The following LAMB1 variants were observed in gnomAD, a reference collection of about 807,000 sequenced individuals.
LAMB1 encodes laminin subunit beta 1, also known as laminin subunit beta-1.
A neutral mutation model predicts 222.3 loss-of-function variants in LAMB1; 121 were observed. The ratio of observed to expected loss-of-function variants is 0.54; its 90% confidence interval spans 0.47 to 0.63. LAMB1 has a LOEUF of 0.63. Among genes scored for constraint, LAMB1 ranks in the 30% least tolerant of loss-of-function variants. The pLI, the probability that LAMB1 is intolerant of heterozygous loss-of-function variation, is 0.00. For missense variants in LAMB1, 2,172 were observed against 2,240.8 expected, an observed-to-expected ratio of 0.97 and a Z score of 0.62; for synonymous variants, 794 against 807.2, an observed-to-expected ratio of 0.98 and a Z score of 0.28.
rs895056907 is a variant in LAMB1, at chr7:107,950,983, T to C, written c.3391+243A>G. 8.3e-6 allele frequency: 3 copies of C among 362,764 alleles called. No homozygotes were observed. In the East Asian group the frequency reaches 1.6e-4, roughly 19 times the overall value. 22.5% of individuals were successfully genotyped at this position (362,764 alleles called of 1,614,324 possible). On this transcript the variant is annotated intron_variant, in intron 24 of 33. Coordinates refer to ENST00000222399, the MANE Select transcript of LAMB1 (RefSeq NM_002291.3). ...GTGTGCTTACACACAGAAACAAACT[T>C]TACCCCAGGGTGTGAGGCCGGGAGA...
chr7:107,972,907 AG>A, intron 13 of LAMB1, 84 bp downstream of exon 13: 6 of 1,078,924 alleles, frequency 5.6e-6, no homozygotes, highest in Non-Finnish European at 8.7e-6. Context: ...TGTCTTTTTG[AG>A]AAACAACTGA....
chr7:107,960,820 AT>A (rs909400547), intron 17 of LAMB1, among the ~76,000 whole-genome samples, 171 bp from the exon 18 acceptor site: 1 of 152,204 alleles, frequency 6.6e-6, no homozygotes, highest in Non-Finnish European at 1.5e-5. Context: ...TTGGCAGGAA[AT>A]TTTAGATATG....
chr7:107,951,408 T>A, intron 23 of LAMB1, 86 bp from the exon 24 acceptor site: 1 of 1,215,472 alleles, frequency 8.2e-7, no homozygotes, highest in South Asian at 1.3e-5. Context: ...CACTTAGAAG[T>A]AGGAATGAAC....
chr7:107,979,556 A>T (rs1228279343), intron 8 of LAMB1, among the ~76,000 whole-genome samples: 1 of 152,186 alleles, frequency 6.6e-6, no homozygotes, highest in East Asian at 1.9e-4. Context: ...CATAAGTCCT[A>T]TCTGGCCTTA....
At chr7:107,981,605 A>C (rs116888987) in intron 7 of LAMB1, among the ~76,000 whole-genome samples, 3,202 of 152,258 alleles carry the variant, frequency 0.021, 52 homozygotes, top group Middle Eastern at 0.058. Flanking sequence ...AGAAGTGTGA[A>C]AGTGGAGAAA....
intron 10 of LAMB1, 89 bp downstream of exon 10, chr7:107,975,600 C>CAT (rs1288933365): frequency 6.6e-6 from 9 of 1,360,460 alleles, no homozygotes; most frequent in Non-Finnish European, 9.1e-6. Context: ...CTTTACTGCT[C>CAT]ATACTATGAG....
chr7:107,933,587 A>T (rs1026207829), intron 27 of LAMB1, among the ~76,000 whole-genome samples: 1 of 151,076 alleles, frequency 6.6e-6, no homozygotes, highest in African/African-American at 2.5e-5. Context: ...TTGTTTCAAC[A>T]GATGGGGCAG....
intron 2 of LAMB1, chr7:108,002,142 C>T (rs867648304): frequency 2.1e-6 from 3 of 1,451,538 alleles, no homozygotes; most frequent in African/African-American, 1.6e-5. Context: ...CACGTGAACC[C>T]GCGTGCACGC....
intron 17 of LAMB1, 130 bp downstream of exon 17, chr7:107,961,076 C>T (rs1166660186): frequency 2.5e-5 from 25 of 992,716 alleles, no homozygotes; most frequent in Middle Eastern, 2.8e-4. Flanking sequence ...GCAAAGTAAC[C>T]GTGGAGGCAA....
At chr7:107,965,618 T>C (rs2033618657) in intron 13 of LAMB1, among the ~76,000 whole-genome samples, 1 of 152,154 alleles carries the variant, frequency 6.6e-6, no homozygotes, top group South Asian at 2.1e-4. Flanking sequence ...TAATTTTGTA[T>C]ACAATACAAA....
chr7:107,978,116 G>C lies in LAMB1; in HGVS notation c.931C>G (p.Leu311Val). ...RHNTKGLNCE[L>V]CMDFYHDLPW... ...AAATCATGGTAGAAATCCATGCAGA[G>C]TTCACAGTTTAAGCCCTTGGTGTTA... is the stretch of plus-strand genomic sequence containing the variant. Residue 311 changes from leucine to valine, a missense_variant, in exon 9 of 34, where the codon CTC (leucine) becomes GTC (valine). By Grantham distance (32) the Leu-to-Val change is conservative. Coordinates refer to ENST00000222399, the MANE Select transcript of LAMB1 (RefSeq NM_002291.3). 3 of 1,614,018 alleles carry C rather than the reference G, an allele frequency of 1.9e-6. No individual in the cohort carries two copies. The highest frequency in any genetic ancestry group is 2.5e-6 in the Non-Finnish European group (3 of 1,179,882).
At chr7:107,983,733 G>A (rs1438220820) in intron 7 of LAMB1, among the ~76,000 whole-genome samples, 1 of 151,862 alleles carries the variant, frequency 6.6e-6, no homozygotes, top group African/African-American at 2.4e-5. Flanking sequence ...GGTCAGGATG[G>A]TCTCAAACTC....
At position 107,985,573 on chromosome 7, in the gene LAMB1, G is replaced by A. The variant is rs191239075; in HGVS notation, c.676+449C>T. Among the ~76,000 whole-genome samples, 143 of 152,208 alleles carry A rather than the reference G, an allele frequency of 9.4e-4. 1 individual carries two copies. Among genetic ancestry groups the A allele is most frequent in the Non-Finnish European group, 1.4e-3 (95 of 68,014 alleles). ...GAACCTGGGAGGCAGAGGTTGCAGT[G>A]AGCCTAGATCGCGCCACTGCACTCC... On this transcript the variant is annotated intron_variant, in intron 7 of 33. Transcript: ENST00000222399.
rs763705937 is a variant in LAMB1 at position 107,929,505 on chromosome 7, A to T, written c.4652T>A (p.Val1551Asp). ...QNLTEDIRERVESLSQVEVIL... is the reference protein window; with the variant it reads ...QNLTEDIRERDESLSQVEVIL... ...AACCTCTACTTGAGAAAGGCTTTCA[A>T]CTCGTTCACGTATATCTTCTGTCAA... Residue 1551 changes from valine to aspartate, a missense_variant, in exon 30 of 34, where the codon GTT (valine) becomes GAT (aspartate). By Grantham distance (152) the Val-to-Asp change is radical (BLOSUM62 -3). Coordinates refer to ENST00000222399, the MANE Select transcript of LAMB1 (RefSeq NM_002291.3). 5.6e-6 allele frequency: 9 copies of T among 1,614,100 alleles called. No homozygotes were observed. Among genetic ancestry groups the T allele is most frequent in the South Asian group, 1.1e-5 (1 of 91,076 alleles).
At chr7:107,937,605 T>C (rs761221599) in intron 25 of LAMB1, among the ~76,000 whole-genome samples, 25 of 152,324 alleles carry the variant, frequency 1.6e-4, no homozygotes, top group Middle Eastern at 3.4e-3. Flanking sequence ...CACAGGCAGC[T>C]TCAAGCCCTT....
intron 32 of LAMB1, among the ~76,000 whole-genome samples, chr7:107,925,476 G>A (rs181500845): frequency 2.3e-4 from 35 of 152,172 alleles, no homozygotes; most frequent in Admixed American, 2.3e-3. Flanking sequence ...CCACCCCCGA[G>A]TCTGGAAAAA....
intron 21 of LAMB1, among the ~76,000 whole-genome samples, chr7:107,953,978 G>C (rs958971875): frequency 6.6e-6 from 1 of 152,156 alleles, no homozygotes; most frequent in Non-Finnish European, 1.5e-5. Flanking sequence ...GTAACTTTTT[G>C]CACCAATCTA....
At position 107,925,149 on chromosome 7, in the gene LAMB1, G is replaced by A. The variant is rs1040950486; in HGVS notation, c.5065-760C>T. ...TGTTCTCTTTCCCAACCTAGAGAGAGGTAGGGAAAGTTACTCTTACGTAAT... is the reference window on the plus strand; with the variant it reads ...TGTTCTCTTTCCCAACCTAGAGAGAAGTAGGGAAAGTTACTCTTACGTAAT... On this transcript the variant is annotated intron_variant, in intron 32 of 33. Coordinates refer to ENST00000222399, the MANE Select transcript of LAMB1 (RefSeq NM_002291.3). Among the ~76,000 whole-genome samples, 4 of 152,172 alleles carry A rather than the reference G, an allele frequency of 2.6e-5. 1 individual carries two copies. The highest frequency in any genetic ancestry group is 2.6e-4 in the Admixed American group (4 of 15,282).
chr7:107,931,645 A>G, intron 28 of LAMB1, 145 bp from the exon 29 acceptor site: 1 of 746,926 alleles, frequency 1.3e-6, no homozygotes, highest in African/African-American at 1.8e-5. Flanking sequence ...CATTCAACAA[A>G]GTATTGTATC....
Sources: gnomAD v4.1 joint callset for allele counts (sites outside exome capture counted in the v4.1 genomes callset) on GRCh38, gnomAD v4.1.1 for gene constraint, MANE v1.5 for transcripts, NCBI Gene and HGNC (gene_info 2026-07-23, HGNC 2026-07-21) for gene names.